The following PLCE1 variants were observed in gnomAD, a reference collection of about 807,000 sequenced individuals.
The protein encoded by PLCE1 is phospholipase C epsilon 1, also known as 1-phosphatidylinositol 4,5-bisphosphate phosphodiesterase epsilon-1.
Under a neutral mutation model 242.8 loss-of-function variants are expected in PLCE1, and 119 were observed. That is an observed-to-expected ratio of 0.49 (90% CI 0.42 to 0.57). The LOEUF is 0.57. Among genes scored for constraint, PLCE1 ranks in the 20% least tolerant of loss-of-function variants. The pLI is 0.00. For missense variants in PLCE1, 2,441 were observed against 2,788.8 expected (o/e 0.88, Z 2.81); for synonymous variants, 945 against 1,017.4 (o/e 0.93, Z 1.35).
Position 94,031,716 on chromosome 10 carries a change from G to A in PLCE1, c.670G>A (p.Glu224Lys). Residue 224 changes from glutamate (E) to lysine (K), a missense_variant, in exon 2 of 33, where the codon GAG becomes AAG. Glu to Lys is a moderately conservative substitution (Grantham distance 56). Transcript: ENST00000371380. ...TTGTGTACCACTACCTGGGGGTGAGGAGAAGCAAAAGAAAAACTATGTGGC... is the reference window on the plus strand; with the variant it reads ...TTGTGTACCACTACCTGGGGGTGAGAAGAAGCAAAAGAAAAACTATGTGGC... ...GNCVPLPGGEEKQKKNYVAYT... is the reference protein window; with the variant it reads ...GNCVPLPGGEKKQKKNYVAYT... The A allele has an allele frequency of 6.2e-7, 1 of 1,613,824 alleles. No homozygotes were observed.
At chr10:94,059,517 T>G (rs1023080146) in intron 2 of PLCE1, among the ~76,000 whole-genome samples, 1 of 152,084 alleles carries the variant, frequency 6.6e-6, no homozygotes, top group Non-Finnish European at 1.5e-5. Context: ...GCAGAAATAG[T>G]GATTTAGAGG....
At chr10:94,051,444 C>T (rs4918044) in intron 2 of PLCE1, among the ~76,000 whole-genome samples, 61,777 of 151,874 alleles carry the variant, frequency 0.41, 16,058 homozygotes, top group African/African-American at 0.75. Flanking sequence ...GCTTCATCAT[C>T]GAAGCTCATT....
rs971585063 is a variant in PLCE1, at chr10:94,038,881, C to T, written c.1206+6629C>T. Among the ~76,000 whole-genome samples the T allele has an allele frequency of 2.6e-5, 4 of 152,290 alleles. No individual in the cohort carries two copies. The South Asian group carries it at 8.3e-4, about 32-fold the overall frequency. On this transcript the variant is annotated intron_variant, in intron 2 of 32. Transcript: ENST00000371380. ...GTTTCTTTTAGCTATCACCCTCTAT[C>T]GCCCCATCCTGTGCCTCTCCCCCAG...
chr10:94,094,397 G>T (rs904799697), intron 2 of PLCE1, among the ~76,000 whole-genome samples: 2 of 152,098 alleles, frequency 1.3e-5, no homozygotes, highest in African/African-American at 2.4e-5. Flanking sequence ...TTATTTCCTA[G>T]AGGCAAAATT....
At chr10:94,130,107 T>C (rs1261819456) in intron 2 of PLCE1, among the ~76,000 whole-genome samples, 2 of 152,214 alleles carry the variant, frequency 1.3e-5, no homozygotes, top group East Asian at 3.8e-4. Flanking sequence ...CACAACTGGA[T>C]CAGTTACTTC....
intron 2 of PLCE1, among the ~76,000 whole-genome samples, chr10:94,121,266 C>T (rs1303097789): frequency 6.6e-6 from 1 of 152,206 alleles, no homozygotes; most frequent in African/African-American, 2.4e-5. Flanking sequence ...TTCTCTCCAC[C>T]TCCAGTCTCA....
At chr10:94,212,381 A>G (rs941481915) in intron 4 of PLCE1, among the ~76,000 whole-genome samples, 2 of 152,070 alleles carry the variant, frequency 1.3e-5, no homozygotes, top group African/African-American at 4.8e-5. Context: ...CTCAGCCTCC[A>G]GAGTAGCTGG....
intron 11 of PLCE1, among the ~76,000 whole-genome samples, chr10:94,256,343 A>AAG (rs1181832674): frequency 1.8e-5 from 2 of 113,208 alleles, no homozygotes; most frequent in African/African-American, 8.6e-5. Flanking sequence ...AAAAAAAAAG[A>AAG]AAGAAAGAAA....
At position 94,032,221 on chromosome 10, in the gene PLCE1, G is replaced by C. The variant is rs2061572910; in HGVS notation, c.1175G>C (p.Ser392Thr). ...ACAGTGGAGATAAGGCAAGATGGGA[G>C]CCAACGTCTGTCAGAAGCCCAGTGG... is the stretch of plus-strand genomic sequence containing the variant. ...PSTVEIRQDG[S>T]QRLSEAQWYP... Residue 392 changes from serine (S) to threonine (T), a missense_variant, in exon 2 of 33, where the codon AGC becomes ACC. By Grantham distance (58) the Ser-to-Thr change is moderately conservative. This residue lies in a region of PLCE1 where 733 missense variants were observed against 754.2 expected (regional missense o/e 0.97). Coordinates refer to ENST00000371380, the MANE Select transcript of PLCE1 (RefSeq NM_016341.4). 1 of 1,613,180 alleles carries C rather than the reference G, an allele frequency of 6.2e-7. No individual in the cohort carries two copies. Among genetic ancestry groups the C allele is most frequent in the Non-Finnish European group, 8.5e-7 (1 of 1,179,602 alleles).
chr10:94,181,302 G>A (rs1387130815), intron 4 of PLCE1, among the ~76,000 whole-genome samples: 1 of 152,310 alleles, frequency 6.6e-6, no homozygotes, highest in African/African-American at 2.4e-5. Flanking sequence ...GCCGGGTGCG[G>A]TGGCTCACGC....
chr10:94,147,186 C>T (rs1399446138), intron 3 of PLCE1, among the ~76,000 whole-genome samples: 3 of 151,998 alleles, frequency 2.0e-5, no homozygotes. Context: ...CTTTGGGAGG[C>T]CGAGGCACGC....
At chr10:94,141,659 AG>A (rs1443399445) in intron 3 of PLCE1, among the ~76,000 whole-genome samples, 90 of 3,996 alleles carry the variant, frequency 0.023, 19 homozygotes, top group Admixed American at 0.14. Flanking sequence ...GAAAGAAGAA[AG>A]GGAGGGAGGG....
intron 4 of PLCE1, among the ~76,000 whole-genome samples, chr10:94,193,722 G>A (rs1020105706): frequency 6.6e-6 from 1 of 152,192 alleles, no homozygotes; most frequent in Admixed American, 6.5e-5. Flanking sequence ...CAAAATGACA[G>A]TGCTTAGCTC....
intron 3 of PLCE1, among the ~76,000 whole-genome samples, chr10:94,163,080 G>A (rs1286098580): frequency 4.6e-5 from 7 of 152,166 alleles, no homozygotes; most frequent in African/African-American, 1.7e-4. Context: ...TTCCAACTAT[G>A]TGGTCAATTT....
intron 4 of PLCE1, among the ~76,000 whole-genome samples, chr10:94,203,292 C>T (rs2049039972): frequency 1.3e-5 from 2 of 152,160 alleles, no homozygotes; most frequent in Admixed American, 1.3e-4. Context: ...TTATGAACCC[C>T]TATCAGATCA....
chr10:94,284,391 C>G (rs1382020286), intron 21 of PLCE1, among the ~76,000 whole-genome samples: 1 of 152,102 alleles, frequency 6.6e-6, no homozygotes, highest in South Asian at 2.1e-4. Context: ...AGAAGATAAA[C>G]GGGCCAGATA....
Position 94,331,801 on chromosome 10 carries a change from T to C in PLCE1, c.*3858T>C, listed in dbSNP as rs2054160069. On this transcript the variant is annotated 3_prime_UTR_variant, in exon 33 of 33. Coordinates refer to ENST00000371380, the MANE Select transcript of PLCE1 (RefSeq NM_016341.4). The stretch of plus-strand genomic sequence containing the variant: ...ATCCTTGGCTGATGGCTATGGATTC[T>C]GACATAGGAATACCTGAAATGAGTC... 6.6e-6 allele frequency: 1 copy of C among 152,036 alleles called. No homozygotes were observed. Among genetic ancestry groups the C allele is most frequent in the Non-Finnish European group, 1.5e-5 (1 of 67,992 alleles). The allele number at this position is 152,036 out of a possible 1,614,324, so 9.4% of individuals were successfully genotyped here.
chr10:94,236,232 C>G (rs922423692), intron 7 of PLCE1, 112 bp downstream of exon 7: 2 of 804,226 alleles, frequency 2.5e-6, no homozygotes, highest in South Asian at 2.9e-5. Flanking sequence ...AAACCTGCCA[C>G]TTTTATCATT....
chr10:94,120,207 G>T (rs912738), intron 2 of PLCE1, among the ~76,000 whole-genome samples: 2 of 152,092 alleles, frequency 1.3e-5, no homozygotes, highest in South Asian at 2.1e-4. Flanking sequence ...CTTGGTGACA[G>T]CTCTAGCTCC....
Sources: gnomAD v4.1 joint callset for allele counts (sites outside exome capture counted in the v4.1 genomes callset) on GRCh38, gnomAD v4.1.1 for gene constraint, gnomAD v4.1.1 regional missense constraint, MANE v1.5 for transcripts, NCBI Gene and HGNC (gene_info 2026-07-23, HGNC 2026-07-21) for gene names.